ASAP1: variants seen among roughly 807,000 people sequenced by gnomAD.
ASAP1 encodes the protein arf-GAP with SH3 domain, ANK repeat and PH domain-containing protein 1.
ASAP1 carries 43 observed loss-of-function variants against 145.2 expected under a neutral mutation model. The ratio of observed to expected loss-of-function variants is 0.30; its 90% CI spans 0.23 to 0.38. ASAP1 has a LOEUF of 0.38. Ranked by LOEUF, ASAP1 falls within the 10% of genes least tolerant of loss-of-function variation. The pLI, the probability that ASAP1 is intolerant of heterozygous loss-of-function variation, is 1.00. For missense variants in ASAP1, 1,018 were observed against 1,355.3 expected (o/e 0.75, Z 3.91); for synonymous variants, 546 against 515.5 (o/e 1.06, Z -0.80).
intron 3 of ASAP1, among the ~76,000 whole-genome samples, chr8:130,289,519 T>TG (rs1821824933): frequency 6.6e-6 from 1 of 152,240 alleles, no homozygotes; most frequent in Non-Finnish European, 1.5e-5. Flanking sequence ...GCAGCTACCT[T>TG]GCAGACTGGT....
chr8:130,408,095 A>G (rs1829112208), intron 1 of ASAP1, among the ~76,000 whole-genome samples: 1 of 152,240 alleles, frequency 6.6e-6, no homozygotes, highest in African/African-American at 2.4e-5. Context: ...CACCTCTTCC[A>G]GGAAGCTCTC....
intron 2 of ASAP1, among the ~76,000 whole-genome samples, chr8:130,391,086 A>C (rs1230526000): frequency 1.3e-5 from 2 of 152,200 alleles, no homozygotes; most frequent in Non-Finnish European, 2.9e-5. Context: ...CATACAATGG[A>C]ATGTTATTTA....
intron 12 of ASAP1, among the ~76,000 whole-genome samples, chr8:130,159,643 T>G (rs1271638563): frequency 6.6e-6 from 1 of 151,948 alleles, no homozygotes; most frequent in African/African-American, 2.4e-5. Context: ...TTCCTATAAT[T>G]GCACGTTACA....
chr8:130,394,145 G>C (rs1445267680), intron 2 of ASAP1, among the ~76,000 whole-genome samples: 1 of 152,218 alleles, frequency 6.6e-6, no homozygotes, highest in Non-Finnish European at 1.5e-5. Context: ...AATGTTCAGG[G>C]AACAAGAGAG....
chr8:130,096,544 A>G lies in ASAP1; in HGVS notation c.2402-4401T>C, dbSNP rs116223951. ...GGCTACCATGTGAAATAATGTCTAT[A>G]TCTTCTTAAAAACATGGGTCTAGCC... On this transcript the variant is annotated intron_variant, in intron 24 of 29. Coordinates refer to ENST00000518721, the MANE Select transcript of ASAP1 (RefSeq NM_018482.4). Among the ~76,000 whole-genome samples, 1,151 of 152,318 alleles carry G rather than the reference A, an allele frequency of 7.6e-3. 19 individuals carry two copies. The highest frequency in any genetic ancestry group is 0.027 in the African/African-American group (1,105 of 41,576).
intron 4 of ASAP1, among the ~76,000 whole-genome samples, chr8:130,230,454 C>A (rs552579183): frequency 4.6e-5 from 7 of 152,220 alleles, no homozygotes; most frequent in African/African-American, 1.7e-4. Context: ...TAGTTTATCC[C>A]CACATAATTT....
At chr8:130,390,569 C>T (rs913266252) in intron 2 of ASAP1, among the ~76,000 whole-genome samples, 1 of 152,310 alleles carries the variant, frequency 6.6e-6, no homozygotes, top group East Asian at 1.9e-4. Flanking sequence ...CTCTGAGTGC[C>T]GTGAAGGCAG....
At position 130,107,498 on chromosome 8, in the gene ASAP1, T is replaced by C. The variant is rs1427880433; in HGVS notation, c.2401+4596A>G. Among the ~76,000 whole-genome samples, 11 of 145,398 alleles carry C rather than the reference T, an allele frequency of 7.6e-5. No homozygotes were observed. The East Asian group carries it at 1.8e-3, about 24-fold the overall frequency. ...CCATGCCCGGCCCATAGTCTCTCTT[T>C]TTTTTTTTTTTTAAAAAATGTATGT... On this transcript the variant is annotated intron_variant, in intron 24 of 29. Coordinates refer to ENST00000518721, the MANE Select transcript of ASAP1 (RefSeq NM_018482.4).
intron 2 of ASAP1, among the ~76,000 whole-genome samples, chr8:130,392,256 G>C (rs1828317509): frequency 6.6e-6 from 1 of 152,310 alleles, no homozygotes; most frequent in Admixed American, 6.5e-5. Context: ...CTCCTAAAGG[G>C]AGACCTGCTG....
chr8:130,438,347 C>T (rs867254840), intron 1 of ASAP1, among the ~76,000 whole-genome samples: 4 of 152,312 alleles, frequency 2.6e-5, no homozygotes, highest in African/African-American at 9.6e-5. Context: ...AGGACTCAGA[C>T]GGATCTGTCC....
intron 1 of ASAP1, among the ~76,000 whole-genome samples, chr8:130,435,422 C>T (rs1295393219): frequency 6.6e-6 from 1 of 152,206 alleles, no homozygotes; most frequent in African/African-American, 2.4e-5. Context: ...ATGATCAGGG[C>T]CCTACCACTG....
At chr8:130,267,131 A>G (rs1002803475) in intron 3 of ASAP1, among the ~76,000 whole-genome samples, 1 of 150,828 alleles carries the variant, frequency 6.6e-6, no homozygotes, top group African/African-American at 2.4e-5. Context: ...AACAAAAAAA[A>G]AACAAAACAA....
intron 3 of ASAP1, among the ~76,000 whole-genome samples, chr8:130,271,070 G>C (rs1251769924): frequency 6.6e-6 from 1 of 152,222 alleles, no homozygotes; most frequent in Non-Finnish European, 1.5e-5. Context: ...ATGGCCCACT[G>C]ATCAGGAGAG....
intron 1 of ASAP1, among the ~76,000 whole-genome samples, chr8:130,431,433 A>AT (rs1298976958): frequency 2.6e-5 from 4 of 152,206 alleles, no homozygotes; most frequent in Non-Finnish European, 5.9e-5. Flanking sequence ...GGTTCCAACC[A>AT]TAACGAACCA....
rs564550682 is a variant in ASAP1 at position 130,299,817 on chromosome 8, A to G, written c.186+58200T>C. Among the ~76,000 whole-genome samples the G allele has an allele frequency of 2.6e-5, 4 of 152,298 alleles. No homozygotes were observed. The East Asian group carries it at 7.7e-4, about 29-fold the overall frequency. On this transcript the variant is annotated intron_variant, in intron 3 of 29. Transcript: ENST00000518721. ...AATTCCTATAAAAATATATTTTAAA[A>G]CATTACATTTCAAGATCAGAAATAA...
chr8:130,221,345 A>C (rs981754483), intron 4 of ASAP1, among the ~76,000 whole-genome samples: 1 of 152,144 alleles, frequency 6.6e-6, no homozygotes, highest in African/African-American at 2.4e-5. Context: ...GCAAGGCATA[A>C]ATCTCCCTTT....
chr8:130,407,324 G>T (rs566146572), intron 1 of ASAP1, among the ~76,000 whole-genome samples: 6 of 152,326 alleles, frequency 3.9e-5, no homozygotes, highest in African/African-American at 1.4e-4. Context: ...GGAATCTGGG[G>T]CATTTACCTG....
At chr8:130,419,704 C>A (rs535611529) in intron 1 of ASAP1, among the ~76,000 whole-genome samples, 1 of 152,066 alleles carries the variant, frequency 6.6e-6, no homozygotes, top group South Asian at 2.1e-4. Flanking sequence ...CAGCAGAAGA[C>A]AGGAGGGAGG....
chr8:130,395,398 A>G (rs1828480126), intron 2 of ASAP1, among the ~76,000 whole-genome samples: 1 of 152,216 alleles, frequency 6.6e-6, no homozygotes. Flanking sequence ...GGTGATTAAG[A>G]TGAGGTCACA....
Sources: allele counts gnomAD v4.1 joint callset (sites outside exome capture counted in the v4.1 genomes callset), GRCh38; gene constraint gnomAD v4.1.1; transcripts MANE v1.5; gene names NCBI Gene and HGNC (gene_info 2026-07-23, HGNC 2026-07-21).